The following THSD7B variants were observed in gnomAD, a reference collection of about 807,000 sequenced individuals.
THSD7B encodes the protein thrombospondin type 1 domain containing 7B.
A neutral mutation model predicts 213.6 loss-of-function variants in THSD7B; 138 were observed. That is an observed-to-expected ratio of 0.65 (90% CI 0.56 to 0.74). The LOEUF is 0.74. THSD7B is among the 30% of genes least tolerant of loss of function. The pLI is 0.00. For missense variants in THSD7B, 1,931 were observed against 1,991.5 expected, an observed-to-expected ratio of 0.97 and a Z score of 0.58; for synonymous variants, 742 against 687.0, an observed-to-expected ratio of 1.08 and a Z score of -1.25.
At chr2:137,483,840 C>A (rs374306122) in intron 15 of THSD7B, among the ~76,000 whole-genome samples, 1 of 151,978 alleles carries the variant, frequency 6.6e-6, no homozygotes, top group Admixed American at 6.6e-5. Context: ...ATTTCGGAGA[C>A]AGAATTTACA....
At chr2:137,488,731 T>G (rs1688531167) in intron 15 of THSD7B, among the ~76,000 whole-genome samples, 1 of 152,212 alleles carries the variant, frequency 6.6e-6, no homozygotes, top group Admixed American at 6.5e-5. Context: ...AACATTCACT[T>G]GTATCTTGCC....
intron 2 of THSD7B, among the ~76,000 whole-genome samples, chr2:137,055,195 GGT>G (rs1687140265): frequency 6.6e-6 from 1 of 152,082 alleles, no homozygotes; most frequent in Admixed American, 6.6e-5. Context: ...TGGGCATTTG[GGT>G]TGGTTCCAAG....
intron 15 of THSD7B, among the ~76,000 whole-genome samples, chr2:137,491,515 T>C (rs1294686841): frequency 1.3e-5 from 2 of 152,354 alleles, no homozygotes; most frequent in African/African-American, 4.8e-5. Flanking sequence ...CCAAGCCACA[T>C]AGTTAACTTT....
At chr2:137,230,379 T>A (rs1397665307) in intron 7 of THSD7B, among the ~76,000 whole-genome samples, 2 of 152,218 alleles carry the variant, frequency 1.3e-5, no homozygotes, top group East Asian at 1.9e-4. Context: ...CTGGTGTGTT[T>A]GTGCCATATT....
intron 17 of THSD7B, among the ~76,000 whole-genome samples, chr2:137,615,857 A>G (rs969959716): frequency 1.3e-5 from 2 of 152,046 alleles, no homozygotes; most frequent in African/African-American, 4.8e-5. Flanking sequence ...AAATATACGG[A>G]TCTCTTACAT....
At chr2:136,877,259 T>G (rs1683539977) in intron 1 of THSD7B, among the ~76,000 whole-genome samples, 1 of 152,212 alleles carries the variant, frequency 6.6e-6, no homozygotes, top group South Asian at 2.1e-4. Flanking sequence ...TAGAATAAAC[T>G]ATAATTTAGT....
intron 16 of THSD7B, among the ~76,000 whole-genome samples, chr2:137,568,028 G>A (rs1482820496): frequency 6.6e-6 from 1 of 152,090 alleles, no homozygotes; most frequent in Non-Finnish European, 1.5e-5. Context: ...AGATGGACAA[G>A]TGAGTTACTC....
intron 12 of THSD7B, among the ~76,000 whole-genome samples, chr2:137,325,158 G>GTTTTTTT (rs1684341792): frequency 4.4e-5 from 2 of 45,252 alleles, no homozygotes; most frequent in African/African-American, 1.8e-4. Flanking sequence ...CACCTACATT[G>GTTTTTTT]TTTTTTGTTT....
At chr2:137,606,975 A>G (rs1192977744) in intron 17 of THSD7B, among the ~76,000 whole-genome samples, 2 of 152,166 alleles carry the variant, frequency 1.3e-5, no homozygotes, top group African/African-American at 2.4e-5. Context: ...AGGAAACCAC[A>G]GTTCACAAAA....
intron 3 of THSD7B, among the ~76,000 whole-genome samples, chr2:137,074,452 A>G (rs1294022197): frequency 1.3e-5 from 2 of 151,958 alleles, no homozygotes; most frequent in Admixed American, 1.3e-4. Context: ...ATCTTCCTCC[A>G]TCCCTTTATT....
intron 1 of THSD7B, among the ~76,000 whole-genome samples, chr2:136,847,265 T>G (rs527585006): frequency 2.5e-4 from 38 of 152,258 alleles, no homozygotes; most frequent in African/African-American, 8.7e-4. Flanking sequence ...TCAGATTTGG[T>G]CAATAGGATC....
chr2:136,946,490 G>A (rs774760347), intron 2 of THSD7B, among the ~76,000 whole-genome samples: 8 of 152,044 alleles, frequency 5.3e-5, no homozygotes, highest in Non-Finnish European at 1.2e-4. Context: ...CAAACACTGT[G>A]CTGGGAGAAC....
At chr2:136,936,664 T>G (rs1684736245) in intron 2 of THSD7B, among the ~76,000 whole-genome samples, 1 of 152,088 alleles carries the variant, frequency 6.6e-6, no homozygotes, top group Non-Finnish European at 1.5e-5. Context: ...CTTTGGGGAC[T>G]CAGGAGAAAG....
chr2:137,223,133 G>C (rs1174832450), intron 7 of THSD7B, among the ~76,000 whole-genome samples: 1 of 152,128 alleles, frequency 6.6e-6, no homozygotes, highest in African/African-American at 2.4e-5. Flanking sequence ...AAATTCCTGA[G>C]TGTCCCTGTA....
intron 14 of THSD7B, among the ~76,000 whole-genome samples, chr2:137,441,476 G>A (rs1420189771): frequency 2.0e-5 from 3 of 152,020 alleles, no homozygotes; most frequent in African/African-American, 7.3e-5. Context: ...CCACATGCCT[G>A]TCTATTTATC....
rs752857527 is a variant in THSD7B at position 137,572,452 on chromosome 2, C to T, written c.3319C>T (p.Leu1107=). ...DGEGGAVDSN[L]CNQDEIPPET... ...TGAAGGTGGAGCAGTGGATAGCAACCTGTGCAACCAGGATGAAATTCCCCC... is the reference window on the plus strand; with the variant it reads ...TGAAGGTGGAGCAGTGGATAGCAACTTGTGCAACCAGGATGAAATTCCCCC... The change falls in exon 17 of 28, where the codon CTG becomes TTG. Residue 1107 remains leucine (L), a synonymous_variant. Coordinates refer to ENST00000409968, the MANE Select transcript of THSD7B (RefSeq NM_001316349.2). The T allele has an allele frequency of 8.1e-6, 13 of 1,613,904 alleles. No homozygotes were observed. The South Asian group carries it at 8.8e-5, about 11-fold the overall frequency.
chr2:137,414,981 C>T (rs1041997072), intron 14 of THSD7B, among the ~76,000 whole-genome samples: 1 of 145,994 alleles, frequency 6.8e-6, no homozygotes, highest in African/African-American at 2.5e-5. Flanking sequence ...ACTTGAACTT[C>T]GTAGGCGGAA....
intron 2 of THSD7B, among the ~76,000 whole-genome samples, chr2:136,915,487 A>G (rs1684335099): frequency 6.6e-6 from 1 of 152,246 alleles, no homozygotes; most frequent in Admixed American, 6.5e-5. Context: ...TACTCTGAAC[A>G]ACTCATTACA....
At chr2:136,829,673 A>T (rs140106550) in intron 1 of THSD7B, among the ~76,000 whole-genome samples, 8 of 152,328 alleles carry the variant, frequency 5.3e-5, no homozygotes, top group Non-Finnish European at 1.5e-5. Flanking sequence ...GATGAGGAGC[A>T]CATACTGGGA....
Sources: allele counts gnomAD v4.1 joint callset (sites outside exome capture counted in the v4.1 genomes callset), GRCh38; gene constraint gnomAD v4.1.1; transcripts MANE v1.5; gene names NCBI Gene and HGNC (gene_info 2026-07-23, HGNC 2026-07-21).